Variants in AFG2A observed in about 807,000 individuals in gnomAD.
AFG2A encodes the protein AAA ATPase AFG2A, also known as ATPase family gene 2 protein homolog A.
the AFG2A span, chr4:123,102,338 G>A: frequency 6.7e-6 from 1 of 148,366 alleles, no homozygotes; most frequent in Admixed American, 6.7e-5. Context: ...CAGCCTTTAA[G>A]GCTGTTGTTG....
chr4:123,018,639 G>C, the AFG2A span, among the ~76,000 whole-genome samples: 3 of 151,420 alleles, frequency 2.0e-5, no homozygotes, highest in African/African-American at 7.3e-5. Context: ...GTAATAATAA[G>C]CTTTTTTTTT....
chr4:123,012,858 C>T, the AFG2A span, among the ~76,000 whole-genome samples: 2 of 151,988 alleles, frequency 1.3e-5, no homozygotes, highest in African/African-American at 4.8e-5. Context: ...GACCAGAGGT[C>T]GTAGGTGGAT....
At chr4:122,924,920 T>C in the AFG2A span, among the ~76,000 whole-genome samples, 2 of 152,246 alleles carry the variant, frequency 1.3e-5, no homozygotes, top group African/African-American at 2.4e-5. Flanking sequence ...TAAAAGCTTC[T>C]ATATACTTAT....
At chr4:123,041,520 TTTTG>T in the AFG2A span, among the ~76,000 whole-genome samples, 3 of 151,942 alleles carry the variant, frequency 2.0e-5, no homozygotes, top group Admixed American at 1.3e-4. Flanking sequence ...TTTGGGGTTT[TTTTG>T]TTTGTTTGTT....
the AFG2A span, among the ~76,000 whole-genome samples, chr4:122,955,610 G>A: frequency 6.6e-6 from 1 of 152,178 alleles, no homozygotes; most frequent in Admixed American, 6.5e-5. Flanking sequence ...TATATGTAGG[G>A]AAAGAGGCTC....
the AFG2A span, among the ~76,000 whole-genome samples, chr4:123,148,800 G>A: frequency 4.3e-5 from 6 of 140,560 alleles, no homozygotes; most frequent in African/African-American, 8.0e-5. Flanking sequence ...ACAGAGTCTC[G>A]CTCTGTCGAC....
At chr4:122,988,845 A>AG in the AFG2A span, among the ~76,000 whole-genome samples, 1 of 152,038 alleles carries the variant, frequency 6.6e-6, no homozygotes, top group African/African-American at 2.4e-5. Context: ...TTGTGACAAG[A>AG]TAATTTCAGA....
At chr4:123,189,954 C>T in the AFG2A span, among the ~76,000 whole-genome samples, 129 of 151,316 alleles carry the variant, frequency 8.5e-4, 1 homozygote, top group East Asian at 0.016. Context: ...CACAGGCGTG[C>T]ACCACACCTG....
the AFG2A span, among the ~76,000 whole-genome samples, chr4:123,264,413 A>G: frequency 6.6e-6 from 1 of 152,214 alleles, no homozygotes; most frequent in Non-Finnish European, 1.5e-5. Flanking sequence ...TTAACCTGCC[A>G]TGAGGTACAG....
the AFG2A span, among the ~76,000 whole-genome samples, chr4:123,113,506 A>T: frequency 6.6e-6 from 1 of 152,242 alleles, no homozygotes; most frequent in Non-Finnish European, 1.5e-5. Flanking sequence ...TATTAAAAAA[A>T]AAAATCTGGC....
chr4:123,123,843 A>C, the AFG2A span, among the ~76,000 whole-genome samples: 1 of 148,252 alleles, frequency 6.7e-6, no homozygotes, highest in Admixed American at 6.8e-5. Context: ...TCCCAGCTAC[A>C]CGGGAGGCTG....
At chr4:123,236,299 C>T in the AFG2A span, among the ~76,000 whole-genome samples, 603 of 152,280 alleles carry the variant, frequency 4.0e-3, 2 homozygotes, top group Non-Finnish European at 7.1e-3. Context: ...ACTGTGTCAT[C>T]ATTGCAGTTT....
the AFG2A span, chr4:123,314,768 T>G: frequency 6.6e-6 from 1 of 150,622 alleles, no homozygotes; most frequent in African/African-American, 2.4e-5. Context: ...TTTTTTTTTT[T>G]TTTTTGAGAC....
chr4:123,258,858 C>CTTTTTTT, the AFG2A span, among the ~76,000 whole-genome samples: 2 of 90,312 alleles, frequency 2.2e-5, no homozygotes, highest in East Asian at 3.4e-4. Context: ...GATACTGGTA[C>CTTTTTTT]TTTTTTTTTT....
At chr4:123,128,860 TC>T in the AFG2A span, among the ~76,000 whole-genome samples, 1 of 152,132 alleles carries the variant, frequency 6.6e-6, no homozygotes, top group Admixed American at 6.6e-5. Flanking sequence ...ATTTTGTACT[TC>T]AGCTCTCACT....
At chr4:123,057,957 A>G in the AFG2A span, among the ~76,000 whole-genome samples, 1 of 152,258 alleles carries the variant, frequency 6.6e-6, no homozygotes, top group South Asian at 2.1e-4. Flanking sequence ...CTTGATGTGT[A>G]TATTGATTAT....
At chr4:123,164,255 C>T in the AFG2A span, among the ~76,000 whole-genome samples, 5 of 152,302 alleles carry the variant, frequency 3.3e-5, no homozygotes, top group Non-Finnish European at 7.4e-5. Flanking sequence ...TATTTTGTCA[C>T]TTACTTTGTA....
the AFG2A span, among the ~76,000 whole-genome samples, chr4:123,181,492 A>G: frequency 6.6e-6 from 1 of 152,178 alleles, no homozygotes; most frequent in East Asian, 1.9e-4. Flanking sequence ...ATGCACCTGT[A>G]GTCCCAGCTA....
chr4:123,144,876 T>C, the AFG2A span, among the ~76,000 whole-genome samples: 7 of 152,116 alleles, frequency 4.6e-5, no homozygotes, highest in Non-Finnish European at 1.0e-4. Context: ...TTTGGTTTCA[T>C]CTTTCAGTAG....
Sources: allele counts gnomAD v4.1 joint callset (sites outside exome capture counted in the v4.1 genomes callset), GRCh38; gene constraint gnomAD v4.1.1; transcripts MANE v1.5; gene names NCBI Gene and HGNC (gene_info 2026-07-23, HGNC 2026-07-21).